Variants in KCNQ3 observed in about 807,000 individuals in gnomAD.
KCNQ3 encodes the protein potassium voltage-gated channel subfamily Q member 3.
A neutral mutation model predicts 92.5 loss-of-function variants in KCNQ3; 30 were observed. The ratio of observed to expected loss-of-function variants is 0.32; its 90% CI spans 0.24 to 0.44. The LOEUF (loss-of-function observed/expected upper bound fraction) is 0.44. Among genes scored for constraint, KCNQ3 ranks in the 20% least tolerant of loss-of-function variants. The pLI is 1.00. For synonymous variants in KCNQ3, 450 were observed against 468.8 expected (o/e 0.96, Z 0.52); for missense variants, 913 against 1,140.3 (o/e 0.80, Z 2.87).
At chr8:132,210,134 T>G (rs1472450483) in intron 1 of KCNQ3, among the ~76,000 whole-genome samples, 2 of 152,204 alleles carry the variant, frequency 1.3e-5, no homozygotes, top group Non-Finnish European at 2.9e-5. Context: ...AATGTCTATC[T>G]TTAATCCACA....
At chr8:132,387,359 C>T (rs569753716) in intron 1 of KCNQ3, among the ~76,000 whole-genome samples, 2 of 152,132 alleles carry the variant, frequency 1.3e-5, no homozygotes, top group African/African-American at 2.4e-5. Flanking sequence ...AGTTTGATGT[C>T]GTTCCCAATT....
At chr8:132,177,277 T>C (rs1826593097) in intron 4 of KCNQ3, among the ~76,000 whole-genome samples, 1 of 152,208 alleles carries the variant, frequency 6.6e-6, no homozygotes, top group Non-Finnish European at 1.5e-5. Context: ...TTTGGAGTCA[T>C]TTACTTTGCA....
rs1307707828 is a variant in KCNQ3, at chr8:132,122,936, C to G, written c.*6326G>C. 6.6e-6 allele frequency: 1 copy of G among 152,182 alleles called. No homozygotes were observed. The highest frequency in any genetic ancestry group is 1.5e-5 in the Non-Finnish European group (1 of 68,034). 9.4% of individuals were successfully genotyped at this position (152,182 alleles called of 1,614,324 possible). On this transcript the variant is annotated 3_prime_UTR_variant, in exon 15 of 15. Coordinates refer to ENST00000388996, the MANE Select transcript of KCNQ3 (RefSeq NM_004519.4). Reference sequence around the variant, plus strand: ...TTGAGTCCTGTCTGCTTCTTTGTAGCTTTTGGTGAAGGCCCTAGAGTATCT... The same window carrying G: ...TTGAGTCCTGTCTGCTTCTTTGTAGGTTTTGGTGAAGGCCCTAGAGTATCT...
intron 1 of KCNQ3, among the ~76,000 whole-genome samples, chr8:132,269,629 T>C (rs1156758797): frequency 7.6e-6 from 1 of 130,864 alleles, no homozygotes; most frequent in African/African-American, 2.8e-5. Context: ...CCGAGCCCCC[T>C]ATTGCCAATT....
intron 1 of KCNQ3, among the ~76,000 whole-genome samples, chr8:132,283,185 C>T (rs768114696): frequency 1.3e-3 from 191 of 151,814 alleles, no homozygotes; most frequent in Admixed American, 2.0e-3. Context: ...AATATCTCAT[C>T]AGGACTTTCC....
At chr8:132,184,510 G>A (rs1338899413) in intron 2 of KCNQ3, 143 bp from the exon 3 acceptor site, 3 of 759,152 alleles carry the variant, frequency 4.0e-6, no homozygotes, top group Non-Finnish European at 6.6e-6. Flanking sequence ...GGGGATGGGG[G>A]TGGGGAAGGG....
chr8:132,280,947 C>T (rs538158723), intron 1 of KCNQ3, among the ~76,000 whole-genome samples: 15 of 152,218 alleles, frequency 9.9e-5, no homozygotes, highest in African/African-American at 2.2e-4. Context: ...AAAGAAGTGA[C>T]GCAATTCCTT....
At chr8:132,323,786 G>A (rs1318120668) in intron 1 of KCNQ3, among the ~76,000 whole-genome samples, 2 of 151,934 alleles carry the variant, frequency 1.3e-5, no homozygotes, top group Middle Eastern at 3.4e-3. Context: ...TGTGGGTCTC[G>A]GCCTTGCGCA....
intron 9 of KCNQ3, among the ~76,000 whole-genome samples, chr8:132,157,263 C>T (rs79834123): frequency 0.013 from 1,994 of 152,254 alleles, 42 homozygotes; most frequent in African/African-American, 0.044. Context: ...ATACCATGCT[C>T]ATAGGTAGAG....
At chr8:132,237,866 G>A (rs137966382) in intron 1 of KCNQ3, among the ~76,000 whole-genome samples, 106 of 152,278 alleles carry the variant, frequency 7.0e-4, no homozygotes, top group African/African-American at 2.4e-3. Context: ...AGTGAGTTGA[G>A]TCTAAGGTAT....
intron 1 of KCNQ3, among the ~76,000 whole-genome samples, chr8:132,466,173 A>G (rs1286483667): frequency 6.6e-6 from 1 of 152,168 alleles, no homozygotes; most frequent in Non-Finnish European, 1.5e-5. Context: ...ATATTTACAA[A>G]TACTTTTAAT....
At chr8:132,202,414 T>C (rs1285344611) in intron 1 of KCNQ3, among the ~76,000 whole-genome samples, 1 of 152,178 alleles carries the variant, frequency 6.6e-6, no homozygotes, top group Non-Finnish European at 1.5e-5. Context: ...ATGGCCGGAC[T>C]GGGAGCTTCC....
rs1377551991 is a variant in KCNQ3 at position 132,228,537 on chromosome 8, AC to A, written c.387-42357del. Among the ~76,000 whole-genome samples, 3 of 152,202 alleles carry A rather than the reference AC, an allele frequency of 2.0e-5. No individual in the cohort carries two copies. The East Asian group carries it at 5.8e-4, about 29-fold the overall frequency. ...TTGAGAGTTTTAGATTAATTACTAC[AC>A]GGAAATACTTAGAAAAATGCCCAGA... On this transcript the variant is annotated intron_variant, in intron 1 of 14. Transcript: ENST00000388996.
intron 1 of KCNQ3, chr8:132,447,157 A>G: frequency 6.7e-7 from 1 of 1,490,052 alleles, no homozygotes. Context: ...CCATCTTAGG[A>G]TGCTCTGTTT....
intron 1 of KCNQ3, among the ~76,000 whole-genome samples, chr8:132,335,095 C>A (rs554932255): frequency 1.3e-5 from 2 of 151,668 alleles, no homozygotes; most frequent in African/African-American, 4.8e-5. Context: ...GGCTGGAGTG[C>A]AGTGGTGTGA....
intron 9 of KCNQ3, among the ~76,000 whole-genome samples, chr8:132,154,773 T>C: frequency 6.6e-6 from 1 of 152,146 alleles, no homozygotes; most frequent in East Asian, 1.9e-4. Context: ...TGTTTTTCTT[T>C]TTTCCTTTTC....
intron 1 of KCNQ3, among the ~76,000 whole-genome samples, chr8:132,229,799 CCCA>C (rs1157129915): frequency 6.6e-6 from 1 of 152,106 alleles, no homozygotes; most frequent in Non-Finnish European, 1.5e-5. Flanking sequence ...CTACAGCATC[CCCA>C]CCAAGGGTGA....
At chr8:132,314,008 C>T (rs1053223595) in intron 1 of KCNQ3, among the ~76,000 whole-genome samples, 7 of 152,058 alleles carry the variant, frequency 4.6e-5, no homozygotes, top group African/African-American at 1.7e-4. Context: ...CAGAATAATA[C>T]AATAGTAAGC....
intron 1 of KCNQ3, among the ~76,000 whole-genome samples, chr8:132,468,048 C>A (rs375623731): frequency 6.6e-6 from 1 of 152,244 alleles, no homozygotes; most frequent in Non-Finnish European, 1.5e-5. Context: ...AGCTGTCAAG[C>A]GCCTCTCTCT....
Sources: allele counts gnomAD v4.1 joint callset (sites outside exome capture counted in the v4.1 genomes callset), GRCh38; gene constraint gnomAD v4.1.1; transcripts MANE v1.5; gene names NCBI Gene and HGNC (gene_info 2026-07-23, HGNC 2026-07-21).